IGLL5: variants seen among roughly 807,000 people sequenced by gnomAD.
IGLL5 encodes immunoglobulin lambda like polypeptide 5, also known as immunoglobulin lambda-like polypeptide 5.
IGLL5 carries 30 observed loss-of-function variants against 20.9 expected under a neutral mutation model. That is an observed-to-expected ratio of 1.44 (90% CI 1.07 to 1.95). The LOEUF is 1.95. IGLL5 is among the 30% of genes most tolerant of loss of function. IGLL5 has a pLI of 0.00. For missense variants in IGLL5, 475 were observed against 270.7 expected, an observed-to-expected ratio of 1.75 and a Z score of -5.30; for synonymous variants, 203 against 117.3, an observed-to-expected ratio of 1.73 and a Z score of -4.72.
intron 1 of IGLL5, 90 bp downstream of exon 1, chr22:22,888,349 A>T: frequency 7.9e-7 from 1 of 1,259,410 alleles, no homozygotes; most frequent in Non-Finnish European, 1.1e-6. Context: ...AGGAGTGAGG[A>T]GGAAGGTTAA....
chr22:22,894,622 A>G (rs2066675124), intron 2 of IGLL5, among the ~76,000 whole-genome samples: 7 of 151,084 alleles, frequency 4.6e-5, no homozygotes, highest in Middle Eastern at 3.8e-3. Flanking sequence ...TGAGGGGTGC[A>G]GAGAACTCCA....
chr22:22,888,661 G>A, intron 1 of IGLL5, among the ~76,000 whole-genome samples: 3 of 151,280 alleles, frequency 2.0e-5, no homozygotes, highest in Admixed American at 1.3e-4. Flanking sequence ...TGTGCCTCCT[G>A]CCCAGTGAGG....
In IGLL5 at chr22:22,889,916, A is replaced by G. The variant is rs541990367; in HGVS notation, c.206+1657A>G. Among the ~76,000 whole-genome samples, 3 of 151,316 alleles carry G rather than the reference A, an allele frequency of 2.0e-5. 1 individual carries two copies. The highest frequency in any genetic ancestry group is 2.9e-5 in the Non-Finnish European group (2 of 67,884). ...TGACCCAACTGTGTTTTTAAAGTAT[A>G]TATGCATTTTCAAAAACCTGTCAGA... On this transcript the variant is annotated intron_variant, in intron 1 of 2. Coordinates refer to ENST00000526893, the MANE Select transcript of IGLL5 (RefSeq NM_001178126.2).
intron 1 of IGLL5, 78 bp downstream of exon 1, chr22:22,888,337 A>T (rs145168197): frequency 2.2e-6 from 3 of 1,377,508 alleles, no homozygotes; most frequent in African/African-American, 1.4e-5. Context: ...GAGACAAGCC[A>T]GAGGAGTGAG....
chr22:22,888,043 C>G lies in IGLL5; in HGVS notation c.-11C>G, dbSNP rs528299670. 9 of 1,548,478 alleles carry G rather than the reference C, an allele frequency of 5.8e-6. No individual in the cohort carries two copies. The highest frequency in any genetic ancestry group is 2.0e-5 in the Admixed American group (1 of 50,800). ...AAGTCGGGCCAGAGGTGCCCCTGAACCTGAAGGCCAATGAGACCCAAGACA... is the reference window on the plus strand; with the variant it reads ...AAGTCGGGCCAGAGGTGCCCCTGAAGCTGAAGGCCAATGAGACCCAAGACA... On this transcript the variant is annotated 5_prime_UTR_variant, in exon 1 of 3. Transcript: ENST00000526893.
intron 2 of IGLL5, among the ~76,000 whole-genome samples, chr22:22,894,359 A>G (rs527439062): frequency 5.3e-5 from 8 of 151,390 alleles, no homozygotes; most frequent in East Asian, 4.0e-4. Context: ...CTCTGGGTCT[A>G]GGCTGCAGCT....
intron 2 of IGLL5, among the ~76,000 whole-genome samples, chr22:22,894,138 T>A (rs184117924): frequency 2.6e-5 from 4 of 151,360 alleles, no homozygotes; most frequent in South Asian, 2.1e-4. Flanking sequence ...GCAGTGTCCT[T>A]AGGGACATTG....
Position 22,890,553 on chromosome 22 carries a change from TTGTGTGTGTGTGTGTGTGTG to T in IGLL5, c.206+2322_206+2341del, listed in dbSNP as rs3029157. Among the ~76,000 whole-genome samples the T allele has an allele frequency of 6.8e-4, 82 of 120,978 alleles. 1 individual carries two copies. Among genetic ancestry groups the T allele is most frequent in the South Asian group, 2.0e-3 (6 of 3,076 alleles). The allele number at this position is 120,978 out of a possible 152,430, so 79.4% of individuals were successfully genotyped here. On this transcript the variant is annotated intron_variant, in intron 1 of 2. Transcript: ENST00000526893. ...TGACAAATGATGCTGCAGTGGAAAT[TTGTGTGTGTGTGTGTGTGTG>T]TGTGTGTGTGTGTGTGTGTGTGTGT...
chr22:22,895,480 G>A lies in IGLL5; in HGVS notation c.431G>A (p.Gly144Glu). The change falls in exon 3 of 3, where the codon GGA becomes GAA. Residue 144 changes from glycine (G) to glutamate (E), a missense_variant. Physicochemically the swap from Gly to Glu is moderately conservative, Grantham distance 98 (BLOSUM62 -2). Transcript: ENST00000526893. ...TGTCTGATCAGTGACTTCTACCCGG[G>A]AGCTGTGACAGTGGCCTGGAAGGCA... is the stretch of plus-strand genomic sequence containing the variant. Reference protein sequence around the residue: ...LVCLISDFYPGAVTVAWKADG... With the variant: ...LVCLISDFYPEAVTVAWKADG... The A allele has an allele frequency of 1.9e-6, 3 of 1,612,778 alleles. No individual in the cohort carries two copies. The highest frequency in any genetic ancestry group is 1.7e-6 in the Non-Finnish European group (2 of 1,179,578).
rs749268429 is a variant in IGLL5 at position 22,893,767 on chromosome 22, C to A, written c.274C>A (p.Pro92Thr). ...CTGGCCCCGGGGGTTTTGGTCTGAG[C>A]CTCAGTCACTGTGTTATGTCTTCGG... ...RCWPRGFWSE[P>T]QSLCYVFGTG... The change falls in exon 2 of 3, where the codon CCT becomes ACT. Residue 92 changes from proline (P) to threonine (T), a missense_variant. By Grantham distance (38) the Pro-to-Thr change is conservative (BLOSUM62 -1). Coordinates refer to ENST00000526893, the MANE Select transcript of IGLL5 (RefSeq NM_001178126.2). 1 of 1,605,044 alleles carries A rather than the reference C, an allele frequency of 6.2e-7. No homozygotes were observed.
At chr22:22,888,622 C>A (rs1030543756) in intron 1 of IGLL5, among the ~76,000 whole-genome samples, 1 of 151,180 alleles carries the variant, frequency 6.6e-6, no homozygotes, top group Non-Finnish European at 1.5e-5. Context: ...GTGCCCAGGC[C>A]TGTTCCTCCC....
At chr22:22,894,251 A>T (rs181348727) in intron 2 of IGLL5, among the ~76,000 whole-genome samples, 1 of 149,584 alleles carries the variant, frequency 6.7e-6, no homozygotes, top group African/African-American at 2.5e-5. Context: ...CTGAGGGTCT[A>T]GGCTGAGGAC....
chr22:22,894,835 C>T (rs186416867), intron 2 of IGLL5, among the ~76,000 whole-genome samples: 1 of 151,380 alleles, frequency 6.6e-6, no homozygotes, highest in Admixed American at 6.6e-5. Context: ...GCCAGGAGAG[C>T]CAAGTGGGCT....
Position 22,894,203 on chromosome 22 carries a change from C to T in IGLL5, c.325+385C>T, listed in dbSNP as rs773772334. On this transcript the variant is annotated intron_variant, in intron 2 of 2. Transcript: ENST00000526893. ...GCTGCTGGGGTGGGCCTGGGAGCTG[C>T]TGAGTCTCATAGTCTAGGGGAGCAG... Among the ~76,000 whole-genome samples the T allele has an allele frequency of 1.7e-4, 26 of 151,158 alleles. 1 individual carries two copies. Among genetic ancestry groups the T allele is most frequent in the Middle Eastern group, 3.8e-3 (1 of 264 alleles).
chr22:22,888,095 GGAGCTGGGCCCTGGTCC>G lies in IGLL5; in HGVS notation c.43_59del (p.Glu15GlnfsTer71). ...GCCAAGTGGGTTGTGAGACCCCTGA[GGAGCTGGGCCCTGGTCC>G]CAGGCAGCGCTGGCCCCTGCTGCTG... On this transcript the variant is annotated frameshift_variant, in exon 1 of 3. Transcript: ENST00000526893. LOFTEE classifies it high-confidence loss of function. 1 of 1,549,430 alleles carries G rather than the reference GGAGCTGGGCCCTGGTCC, an allele frequency of 6.5e-7. No homozygotes were observed. Among genetic ancestry groups the G allele is most frequent in the East Asian group, 2.5e-5 (1 of 40,672 alleles).
chr22:22,888,484 T>C (rs2067604424), intron 1 of IGLL5, among the ~76,000 whole-genome samples: 3 of 151,358 alleles, frequency 2.0e-5, no homozygotes, highest in South Asian at 2.1e-4. Flanking sequence ...ATTTCTGAGT[T>C]TTCTGGCGCC....
intron 2 of IGLL5, among the ~76,000 whole-genome samples, chr22:22,894,375 G>C (rs552568526): frequency 6.6e-6 from 1 of 151,518 alleles, no homozygotes; most frequent in Non-Finnish European, 1.5e-5. Flanking sequence ...CAGCTCTGTG[G>C]CCTGTGCTGG....
chr22:22,889,940 G>A lies in IGLL5; in HGVS notation c.206+1681G>A, dbSNP rs2067764554. Among the ~76,000 whole-genome samples, 9 of 151,280 alleles carry A rather than the reference G, an allele frequency of 5.9e-5. No individual in the cohort carries two copies. In the South Asian group the frequency reaches 1.7e-3, roughly 28 times the overall value. On this transcript the variant is annotated intron_variant, in intron 1 of 2. Coordinates refer to ENST00000526893, the MANE Select transcript of IGLL5 (RefSeq NM_001178126.2). ...TATATGCATTTTCAAAAACCTGTCAGAAAATATAGAAAAATGTCAATGGTG... is the reference window on the plus strand; with the variant it reads ...TATATGCATTTTCAAAAACCTGTCAAAAAATATAGAAAAATGTCAATGGTG...
chr22:22,894,092 A>T (rs542627523), intron 2 of IGLL5, among the ~76,000 whole-genome samples: 2 of 151,320 alleles, frequency 1.3e-5, no homozygotes, highest in East Asian at 2.0e-4. Context: ...CAGATGTCTG[A>T]GTGAGGGACA....
Sources: allele counts gnomAD v4.1 joint callset (sites outside exome capture counted in the v4.1 genomes callset), GRCh38; gene constraint gnomAD v4.1.1; transcripts MANE v1.5; gene names NCBI Gene and HGNC (gene_info 2026-07-23, HGNC 2026-07-21).